Variants in OCA2 observed in about 807,000 individuals in gnomAD.
OCA2 encodes the protein OCA2 melanosomal transmembrane protein, also known as P protein.
In OCA2, 77 loss-of-function variants were observed where a neutral mutation model predicts 100.2. The ratio of observed to expected loss-of-function variants is 0.77; its 90% CI spans 0.64 to 0.93. The LOEUF (loss-of-function observed/expected upper bound fraction) is 0.93, where lower values mean the gene tolerates loss of function less well. Among genes scored for constraint, OCA2 ranks in the 40% least tolerant of loss-of-function variants. OCA2 has a pLI of 0.00. For synonymous variants in OCA2, 432 were observed against 439.2 expected, an observed-to-expected ratio of 0.98 and a Z score of 0.21; for missense variants, 1,062 against 1,089.1, an observed-to-expected ratio of 0.98 and a Z score of 0.35.
rs967741149 is a variant in OCA2, at chr15:27,812,881, A to G, written c.2432+32078T>C. On this transcript the variant is annotated intron_variant, in intron 23 of 23. Coordinates refer to ENST00000354638, the MANE Select transcript of OCA2 (RefSeq NM_000275.3). ...TGGCCCTCACCCCAGCCAGCCCAGC[A>G]GCTGCTTCATGCCTAAGATGCCCCT... 1.2e-4 allele frequency among the ~76,000 whole-genome samples: 19 copies of G among 152,154 alleles called. 1 individual carries two copies. Among genetic ancestry groups the G allele is most frequent in the African/African-American group, 4.6e-4 (19 of 41,464 alleles).
intron 19 of OCA2, among the ~76,000 whole-genome samples, chr15:27,890,697 G>A (rs1184917160): frequency 2.0e-5 from 3 of 152,078 alleles, no homozygotes; most frequent in Admixed American, 6.6e-5. Flanking sequence ...CTTAAAGATT[G>A]GCTAAAAGAA....
At chr15:27,987,813 C>T (rs2041412621) in intron 11 of OCA2, among the ~76,000 whole-genome samples, 1 of 152,142 alleles carries the variant, frequency 6.6e-6, no homozygotes, top group African/African-American at 2.4e-5. Flanking sequence ...ATGTTCTATA[C>T]TTTGTCAGGT....
chr15:28,082,876 C>T (rs1410837611), intron 1 of OCA2, among the ~76,000 whole-genome samples: 3 of 152,126 alleles, frequency 2.0e-5, no homozygotes, highest in Non-Finnish European at 2.9e-5. Context: ...TATTCCTATA[C>T]CTCTAAAGTA....
intron 19 of OCA2, among the ~76,000 whole-genome samples, chr15:27,898,521 G>A (rs2037800997): frequency 1.3e-5 from 2 of 152,154 alleles, no homozygotes; most frequent in South Asian, 4.1e-4. Context: ...CCATGATTGT[G>A]AGGCCTCCCC....
At chr15:27,858,388 G>GAAAAAAAAAAA (rs200488887) in intron 21 of OCA2, among the ~76,000 whole-genome samples, 2 of 49,390 alleles carry the variant, frequency 4.0e-5, no homozygotes. Flanking sequence ...AAGAAAGAAA[G>GAAAAAAAAAAA]AAAAAAAAAA....
chr15:27,848,457 C>T (rs1036880448), intron 22 of OCA2, among the ~76,000 whole-genome samples: 3 of 152,224 alleles, frequency 2.0e-5, no homozygotes, highest in Admixed American at 2.0e-4. Flanking sequence ...GAGAACAAGG[C>T]CCCAGGTGTC....
chr15:27,980,712 T>G (rs1369923324), intron 14 of OCA2, among the ~76,000 whole-genome samples: 2 of 152,354 alleles, frequency 1.3e-5, no homozygotes, highest in African/African-American at 4.8e-5. Context: ...TCCGTTGCCT[T>G]CACACGTGCA....
intron 18 of OCA2, among the ~76,000 whole-genome samples, chr15:27,928,835 A>G (rs567767355): frequency 6.6e-6 from 1 of 152,260 alleles, no homozygotes; most frequent in Non-Finnish European, 1.5e-5. Flanking sequence ...CCTTATGATT[A>G]CATTGGATCT....
At position 27,860,725 on chromosome 15, in the gene OCA2, T is replaced by C. The variant is rs79312863; in HGVS notation, c.2245-9250A>G. Among the ~76,000 whole-genome samples, 44 of 152,306 alleles carry C rather than the reference T, an allele frequency of 2.9e-4. 1 individual carries two copies. In the East Asian group the frequency reaches 4.4e-3, roughly 15 times the overall value. On this transcript the variant is annotated intron_variant, in intron 21 of 23. Transcript: ENST00000354638. The stretch of plus-strand genomic sequence containing the variant: ...CTGATGGGCATCTAGGTTGATTCCA[T>C]GTTTTCGCTACTGTGAGTAGCATAG...
At chr15:27,991,503 G>A (rs2041553895) in intron 9 of OCA2, among the ~76,000 whole-genome samples, 1 of 152,156 alleles carries the variant, frequency 6.6e-6, no homozygotes, top group South Asian at 2.1e-4. Flanking sequence ...CCATCTATAT[G>A]AACTTTCCAG....
At chr15:28,050,514 T>C (rs2043477820) in intron 2 of OCA2, among the ~76,000 whole-genome samples, 1 of 147,424 alleles carries the variant, frequency 6.8e-6, no homozygotes, top group Non-Finnish European at 1.5e-5. Context: ...TGAGTCGAGA[T>C]CGTGCCACTG....
chr15:27,874,240 T>C (rs894093222), intron 19 of OCA2, among the ~76,000 whole-genome samples: 4 of 152,132 alleles, frequency 2.6e-5, no homozygotes, highest in African/African-American at 7.2e-5. Context: ...CACGAAAACA[T>C]TTCCTGCAGC....
At chr15:27,838,292 G>A (rs1360000209) in intron 23 of OCA2, among the ~76,000 whole-genome samples, 5 of 152,206 alleles carry the variant, frequency 3.3e-5, no homozygotes, top group African/African-American at 1.2e-4. Flanking sequence ...AATCATGTAA[G>A]AAATGAAGAT....
intron 11 of OCA2, among the ~76,000 whole-genome samples, chr15:27,987,742 G>A (rs1453476323): frequency 4.0e-5 from 6 of 151,840 alleles, no homozygotes; most frequent in South Asian, 2.1e-4. Context: ...AAAAAAGTCC[G>A]AACTTGAACA....
chr15:27,953,080 T>C (rs114863217), intron 17 of OCA2, among the ~76,000 whole-genome samples: 1,542 of 152,282 alleles, frequency 0.01, 28 homozygotes, highest in African/African-American at 0.035. Context: ...GCAATGATGA[T>C]GAATGTCAAT....
intron 19 of OCA2, among the ~76,000 whole-genome samples, chr15:27,887,442 G>T (rs1022222440): frequency 6.6e-6 from 1 of 151,618 alleles, no homozygotes; most frequent in African/African-American, 2.4e-5. Flanking sequence ...AGCCCTGCCA[G>T]CAAAGGTAAC....
chr15:28,039,683 A>C (rs964173883), intron 2 of OCA2, among the ~76,000 whole-genome samples: 3 of 152,214 alleles, frequency 2.0e-5, no homozygotes, highest in African/African-American at 4.8e-5. Context: ...GAAATGATTA[A>C]GTTAAAATGA....
chr15:27,873,218 G>A (rs1380343152), intron 19 of OCA2, among the ~76,000 whole-genome samples: 1 of 152,176 alleles, frequency 6.6e-6, no homozygotes, highest in Admixed American at 6.5e-5. Context: ...GGGCTGGCCC[G>A]TGCATTATAA....
chr15:27,772,816 G>T (rs1047549085), intron 23 of OCA2, among the ~76,000 whole-genome samples: 6 of 147,904 alleles, frequency 4.1e-5, no homozygotes, highest in Non-Finnish European at 8.9e-5. Flanking sequence ...ACTCCAGCCT[G>T]CGTGACAGAG....
Sources: gnomAD v4.1 joint callset for allele counts (sites outside exome capture counted in the v4.1 genomes callset) on GRCh38, gnomAD v4.1.1 for gene constraint, MANE v1.5 for transcripts, NCBI Gene and HGNC (gene_info 2026-07-23, HGNC 2026-07-21) for gene names.